The following LRFN1 variants were observed in gnomAD, a reference collection of about 807,000 sequenced individuals.
The protein encoded by LRFN1 is leucine-rich repeat and fibronectin type III domain-containing protein 1.
A neutral mutation model predicts 31.8 loss-of-function variants in LRFN1; 20 were observed. The observed-to-expected ratio is 0.63, with a 90% CI of 0.44 to 0.91. The LOEUF (loss-of-function observed/expected upper bound fraction) is 0.91. Among genes scored for constraint, LRFN1 ranks in the 40% least tolerant of loss-of-function variants. LRFN1 has a pLI of 0.00. For synonymous variants in LRFN1, 514 were observed against 541.3 expected (o/e 0.95, Z 0.70); for missense variants, 912 against 1,129.8 (o/e 0.81, Z 2.76).
intron 4 of LRFN1, among the ~76,000 whole-genome samples, chr19:39,312,466 G>C (rs959035880): frequency 6.6e-6 from 1 of 152,110 alleles, no homozygotes; most frequent in Non-Finnish European, 1.5e-5. Context: ...TTTATCAAGT[G>C]CCTACTGTGT....
Position 39,307,660 on chromosome 19 carries a change from G to A in LRFN1, c.2289C>T (p.Thr763=), listed in dbSNP as rs1218263984. 2 of 1,482,332 alleles carry A rather than the reference G, an allele frequency of 1.3e-6. No individual in the cohort carries two copies. The highest frequency in any genetic ancestry group is 2.4e-5 in the Admixed American group (1 of 41,162). The allele number at this position is 1,482,332 out of a possible 1,614,324, so 91.8% of individuals were successfully genotyped here. The change falls in exon 5 of 5, where the codon ACC becomes ACT. Residue 763 remains threonine, a synonymous_variant. Transcript: ENST00000248668. This position sits in a 1 kb window ranked among gnomAD's most constrained non-coding sequence, Gnocchi z 6.7. Reference sequence around the variant, plus strand: ...ACACGGTACTCTCCAGCATCCACTCGGTGCTGGTGAAAGCCAGGCACGCCC... The same window carrying A: ...ACACGGTACTCTCCAGCATCCACTCAGTGCTGGTGAAAGCCAGGCACGCCC... The part of the protein sequence containing the change: ...SARACLAFTS[T]EWMLESTV
Position 39,314,154 on chromosome 19 carries a change from G to T in LRFN1, c.1183C>A (p.Pro395Thr), listed in dbSNP as rs759537017. ...AGAGGCGGCGGGGCAGCCGGCGGGG[G>T]TGCCATCAGAGGCAGAGGTACCACG... ...VCVVPLPLMA[P>T]PPAAPPPLTE... is the part of the protein sequence containing the mutation. Residue 395 changes from proline to threonine, a missense_variant, in exon 4 of 5, where the codon CCC becomes ACC. Coordinates refer to ENST00000248668, the MANE Select transcript of LRFN1 (RefSeq NM_020862.2). 2.5e-6 allele frequency: 4 copies of T among 1,612,660 alleles called. 1 individual carries two copies. Among genetic ancestry groups the T allele is most frequent in the Middle Eastern group, 1.7e-4 (1 of 6,058 alleles).
Position 39,308,663 on chromosome 19 carries a change from T to TGTTGTCTCAGTAGC in LRFN1, c.1407-122_1407-121insGCTACTGAGACAAC. 1 of 869,840 alleles carries TGTTGTCTCAGTAGC rather than the reference T, an allele frequency of 1.1e-6. No homozygotes were observed. Among genetic ancestry groups the TGTTGTCTCAGTAGC allele is most frequent in the Non-Finnish European group, 1.7e-6 (1 of 582,594 alleles). 53.9% of individuals were successfully genotyped at this position (869,840 alleles called of 1,614,324 possible). ...CTGCTATCGAAGTCTCAGCCGCTAC[T>TGTTGTCTCAGTAGC]GAGACAACAGCAGCAATTCAAGCCC... On this transcript the variant is annotated intron_variant, in intron 4 of 4. Transcript: ENST00000248668. This position sits in a 1 kb window ranked among gnomAD's most constrained non-coding sequence, Gnocchi z 6.2.
Position 39,315,463 on chromosome 19 carries a change from G to T in LRFN1, c.-37-90C>A, listed in dbSNP as rs1482805070. ...GTCAGGCCTGGATCCCTCCCCTACC[G>T]CCTACAGCTGGGTTCCATAGGATGG... On this transcript the variant is annotated intron_variant, in intron 3 of 4. Coordinates refer to ENST00000248668, the MANE Select transcript of LRFN1 (RefSeq NM_020862.2). This position sits in a 1 kb window ranked among gnomAD's most constrained non-coding sequence, Gnocchi z 4.7. 4 of 839,718 alleles carry T rather than the reference G, an allele frequency of 4.8e-6. No homozygotes were observed. Among genetic ancestry groups the T allele is most frequent in the Non-Finnish European group, 7.1e-6 (4 of 565,442 alleles). The allele number at this position is 839,718 out of a possible 1,614,324, so 52.0% of individuals were successfully genotyped here. A position where few individuals can be genotyped will look rare whatever the true frequency, so the allele number is the denominator to read the frequency against.
In LRFN1 at chr19:39,315,286, G is replaced by A; in HGVS notation, c.51C>T (p.Ala17=). The change falls in exon 4 of 5, where the codon GCC becomes GCT. Residue 17 remains alanine, a synonymous_variant. Coordinates refer to ENST00000248668, the MANE Select transcript of LRFN1 (RefSeq NM_020862.2). The surrounding 1 kb of genome is among the most constrained non-coding windows in gnomAD (Gnocchi z 4.7). The stretch of plus-strand genomic sequence containing the variant: ...CCCAGAGCAGCAGCAGAAAGGGCAG[G>A]GCAGCGGGCGGCGGCGAGAGGAGGG... ...SSALLSPPPA[A]LPFLLLLWAG... 4 of 1,506,688 alleles carry A rather than the reference G, an allele frequency of 2.7e-6. No homozygotes were observed. The South Asian group carries it at 5.1e-5, about 19-fold the overall frequency. 93.3% of individuals were successfully genotyped at this position (1,506,688 alleles called of 1,614,324 possible).
rs35232910 is a variant in LRFN1 at position 39,320,305 on chromosome 19, GACACACACACACACACAC to G, written c.-126+470_-126+487del. On this transcript the variant is annotated intron_variant, in intron 1 of 4. Coordinates refer to ENST00000248668, the MANE Select transcript of LRFN1 (RefSeq NM_020862.2). Reference sequence around the variant, plus strand: ...CACCCTCGGAGACATACAACCCGCAGACACACACACACACACACACACACACACACACACACAAATGGA... The same window carrying G: ...CACCCTCGGAGACATACAACCCGCAGACACACACACACACACACAAATGGA... Among the ~76,000 whole-genome samples, 65 of 134,724 alleles carry G rather than the reference GACACACACACACACACAC, an allele frequency of 4.8e-4. 1 individual carries two copies. The highest frequency in any genetic ancestry group is 1.7e-3 in the African/African-American group (61 of 36,270). 88.4% of individuals were successfully genotyped at this position (134,724 alleles called of 152,430 possible). A position where few individuals can be genotyped will look rare whatever the true frequency, so the allele number is the denominator to read the frequency against.
rs758564764 is a variant in LRFN1 at position 39,314,429 on chromosome 19, C to T, written c.908G>A (p.Arg303Gln). The change falls in exon 4 of 5, where the codon CGG (arginine) becomes CAG (glutamine). Residue 303 changes from arginine to glutamine, a missense_variant. Arg to Gln is a conservative substitution (Grantham distance 43, BLOSUM62 1). This residue lies in a region of LRFN1 where 401 missense variants were observed against 572.7 expected (regional missense o/e 0.70). Coordinates refer to ENST00000248668, the MANE Select transcript of LRFN1 (RefSeq NM_020862.2). ...EFLCEPPLIT[R>Q]QAGGRALVVE... is the part of the protein sequence containing the mutation. ...CACCAGGGCCCGGCCCCCCGCCTGC[C>T]GTGTGATCAGCGGGGGCTCACACAG... is the stretch of plus-strand genomic sequence containing the variant. 4.0e-5 allele frequency: 65 copies of T among 1,607,808 alleles called. No homozygotes were observed. The highest frequency in any genetic ancestry group is 5.5e-5 in the Non-Finnish European group (65 of 1,178,412).
Position 39,314,560 on chromosome 19 carries a change from C to T in LRFN1, c.777G>A (p.Glu259=), listed in dbSNP as rs1224866631. ...GGGTCAGCCGCCGCAGCCAGAGCAGCTCGCAGTTGCAGTGCAGGGGGTTGC... is the reference window on the plus strand; with the variant it reads ...GGGTCAGCCGCCGCAGCCAGAGCAGTTCGCAGTTGCAGTGCAGGGGGTTGC... The part of the protein sequence containing the change: ...FGGNPLHCNC[E]LLWLRRLTRE... The change falls in exon 4 of 5, where the codon GAG becomes GAA. Residue 259 remains glutamate (E), a synonymous_variant. Transcript: ENST00000248668. The T allele has an allele frequency of 6.2e-7, 1 of 1,610,182 alleles. No homozygotes were observed. Among genetic ancestry groups the T allele is most frequent in the East Asian group, 2.2e-5 (1 of 44,714 alleles).
At chr19:39,318,726 G>A (rs1019227820) in intron 1 of LRFN1, among the ~76,000 whole-genome samples, 4 of 152,124 alleles carry the variant, frequency 2.6e-5, no homozygotes, top group Non-Finnish European at 4.4e-5. Context: ...AGTCCTGAAC[G>A]GTACCAAGAG....
chr19:39,316,528 G>C (rs1307334439), intron 2 of LRFN1, among the ~76,000 whole-genome samples: 1 of 152,144 alleles, frequency 6.6e-6, no homozygotes, highest in Non-Finnish European at 1.5e-5. Context: ...CCCCCCTCCC[G>C]CCTCTGGCAT....
intron 2 of LRFN1, among the ~76,000 whole-genome samples, chr19:39,317,642 G>A (rs1415776200): frequency 6.6e-6 from 1 of 152,176 alleles, no homozygotes; most frequent in Admixed American, 6.5e-5. Flanking sequence ...TCCCCACTGT[G>A]TGACTTTAAT....
chr19:39,315,109 G>A lies in LRFN1; in HGVS notation c.228C>T (p.Phe76=). The part of the protein sequence containing the change: ...RVVELRLTDN[F]IAAVRRRDFA... Reference sequence around the variant, plus strand: ...AGTCTCGGCGGCGCACGGCGGCGATGAAGTTGTCGGTGAGCCGCAGCTCCA... The same window carrying A: ...AGTCTCGGCGGCGCACGGCGGCGATAAAGTTGTCGGTGAGCCGCAGCTCCA... The change falls in exon 4 of 5, where the codon TTC becomes TTT. Residue 76 remains phenylalanine, a synonymous_variant. Coordinates refer to ENST00000248668, the MANE Select transcript of LRFN1 (RefSeq NM_020862.2). This position sits in a 1 kb window ranked among gnomAD's most constrained non-coding sequence, Gnocchi z 4.7. 6.3e-7 allele frequency: 1 copy of A among 1,594,042 alleles called. No homozygotes were observed. The highest frequency in any genetic ancestry group is 1.1e-5 in the South Asian group (1 of 89,876).
rs1845920754 is a variant in LRFN1, at chr19:39,314,092, G to T, written c.1245C>A (p.Gly415=). ...EPGSSDIATP[G]RPGANDSAAE... ...CCGCAGAATCGTTGGCACCTGGTCT[G>T]CCCGGCGTGGCGATGTCAGAGGAGC... is the stretch of plus-strand genomic sequence containing the variant. The change falls in exon 4 of 5, where the codon GGC becomes GGA. Residue 415 remains glycine (G), a synonymous_variant. Transcript: ENST00000248668. The T allele has an allele frequency of 6.2e-7, 1 of 1,612,172 alleles. No homozygotes were observed. Among genetic ancestry groups the T allele is most frequent in the Admixed American group, 1.7e-5 (1 of 59,942 alleles).
chr19:39,313,894 T>G (rs369162560), intron 4 of LRFN1, 37 bp downstream of exon 4: 1 of 1,549,976 alleles, frequency 6.5e-7, no homozygotes, highest in Non-Finnish European at 8.7e-7. Context: ...CCCCTGGGCT[T>G]GGGAGGAGGC....
intron 1 of LRFN1, among the ~76,000 whole-genome samples, chr19:39,320,553 C>A (rs1457414828): frequency 6.6e-6 from 1 of 151,918 alleles, no homozygotes; most frequent in African/African-American, 2.4e-5. Flanking sequence ...GGGGCGGCCG[C>A]TCGGGGGGAC....
At chr19:39,313,754 ACG>A (rs1204619760) in intron 4 of LRFN1, among the ~76,000 whole-genome samples, 175 bp downstream of exon 4, 2 of 152,196 alleles carry the variant, frequency 1.3e-5, no homozygotes, top group Non-Finnish European at 2.9e-5. Context: ...TTCTATAAGC[ACG>A]AAAAACAGAG....
Position 39,314,185 on chromosome 19 carries a change from C to A in LRFN1, c.1152G>T (p.Glu384Asp). Residue 384 changes from glutamate (E) to aspartate (D), a missense_variant, in exon 4 of 5, where the codon GAG becomes GAT. Glu to Asp is a conservative substitution (Grantham distance 45). Transcript: ENST00000248668. ...TCAGAGGCAGAGGTACCACGCACAC[C>A]TCCACGGGCGCCGTCGCTTCCCCAG... ...NAAGEATAPV[E>D]VCVVPLPLMA... 6.2e-7 allele frequency: 1 copy of A among 1,613,244 alleles called. No individual in the cohort carries two copies. Among genetic ancestry groups the A allele is most frequent in the Non-Finnish European group, 8.5e-7 (1 of 1,179,676 alleles).
rs1320261631 is a variant in LRFN1, at chr19:39,315,757, T to G, written c.-38+325A>C. Among the ~76,000 whole-genome samples the G allele has an allele frequency of 6.6e-6, 1 of 150,752 alleles. No homozygotes were observed. Among genetic ancestry groups the G allele is most frequent in the Non-Finnish European group, 1.5e-5 (1 of 67,594 alleles). Reference sequence around the variant, plus strand: ...TCGCTTGAACCAGGGAGGTGGAGGTTGCAGTGAGCCGAGATCACACCATTG... The same window carrying G: ...TCGCTTGAACCAGGGAGGTGGAGGTGGCAGTGAGCCGAGATCACACCATTG... On this transcript the variant is annotated intron_variant, in intron 3 of 4. Coordinates refer to ENST00000248668, the MANE Select transcript of LRFN1 (RefSeq NM_020862.2). This position sits in a 1 kb window ranked among gnomAD's most constrained non-coding sequence, Gnocchi z 4.7.
At chr19:39,318,617 GA>G (rs200055373) in intron 1 of LRFN1, among the ~76,000 whole-genome samples, 2,327 of 152,224 alleles carry the variant, frequency 0.015, 51 homozygotes, top group African/African-American at 0.049. Flanking sequence ...CAGGAGCCAA[GA>G]ACCCCAGCCC....
Sources: allele counts gnomAD v4.1 joint callset (sites outside exome capture counted in the v4.1 genomes callset), GRCh38; gene constraint gnomAD v4.1.1; regional missense constraint gnomAD v4.1.1; non-coding constraint Gnocchi (gnomAD v3.1); transcripts MANE v1.5; gene names NCBI Gene and HGNC (gene_info 2026-07-23, HGNC 2026-07-21).